Variants in DOCK9 observed in about 807,000 individuals in gnomAD.
DOCK9 encodes dedicator of cytokinesis 9, also known as dedicator of cytokinesis protein 9.
In DOCK9, 89 loss-of-function variants were observed where a neutral mutation model predicts 263.3. The ratio of observed to expected loss-of-function variants is 0.34; its 90% confidence interval spans 0.28 to 0.40. The LOEUF (loss-of-function observed/expected upper bound fraction) is 0.40, where lower values mean the gene tolerates loss of function less well. DOCK9 is among the 10% of genes least tolerant of loss of function. The probability of loss-of-function intolerance (pLI) is 1.00; values close to 1 mark genes in which losing one functional copy is unlikely to be tolerated. For synonymous variants in DOCK9, 976 were observed against 973.1 expected, an observed-to-expected ratio of 1.00 and a Z score of -0.06; for missense variants, 2,140 against 2,603.4, an observed-to-expected ratio of 0.82 and a Z score of 3.87.
At chr13:98,887,345 G>C (rs1257407235) in intron 18 of DOCK9, among the ~76,000 whole-genome samples, 5 of 150,744 alleles carry the variant, frequency 3.3e-5, no homozygotes, top group African/African-American at 1.2e-4. Flanking sequence ...GGCCGGGTGG[G>C]GTGGCTCACG....
chr13:98,862,975 C>A, intron 32 of DOCK9, 44 bp downstream of exon 32: 1 of 1,529,088 alleles, frequency 6.5e-7, no homozygotes, highest in Non-Finnish European at 8.9e-7. Flanking sequence ...CTGGCTTCCC[C>A]GGGACCTGAT....
intron 1 of DOCK9, among the ~76,000 whole-genome samples, chr13:99,021,241 G>A (rs1886055752): frequency 6.6e-6 from 1 of 152,152 alleles, no homozygotes; most frequent in Non-Finnish European, 1.5e-5. Context: ...TAAAAGTAGG[G>A]TAATTCTTCT....
In DOCK9 at chr13:99,064,523, C is replaced by T. The variant is rs929950645; in HGVS notation, c.129+21700G>A. Reference sequence around the variant, plus strand: ...AAGAAGTTCACATCTAAAAATGAACCGGGGCCCCCATTGCACATTTATTTT... The same window carrying T: ...AAGAAGTTCACATCTAAAAATGAACTGGGGCCCCCATTGCACATTTATTTT... On this transcript the variant is annotated intron_variant, in intron 1 of 32. Transcript: ENST00000427887. Among the ~76,000 whole-genome samples the T allele has an allele frequency of 1.7e-4, 26 of 152,188 alleles. 1 individual carries two copies. In the South Asian group the frequency reaches 5.0e-3, roughly 29 times the overall value.
At chr13:98,962,662 C>G (rs928678525) in intron 1 of DOCK9, among the ~76,000 whole-genome samples, 2 of 149,252 alleles carry the variant, frequency 1.3e-5, no homozygotes, top group African/African-American at 4.9e-5. Context: ...GAAAAAAAAA[C>G]TTTCCTTGAC....
rs185045552 is a variant in DOCK9, at chr13:98,903,777, T to C, written c.1036-665A>G. Among the ~76,000 whole-genome samples the C allele has an allele frequency of 3.3e-5, 5 of 152,238 alleles. No homozygotes were observed. In the East Asian group the frequency reaches 9.7e-4, roughly 29 times the overall value. On this transcript the variant is annotated intron_variant, in intron 10 of 52. Coordinates refer to ENST00000682017, the MANE Select transcript of DOCK9 (RefSeq NM_001366683.2). ...TTACAAGGATATATAAAATGTAGTATATACATACAATGGAATATTCAGCCA... is the reference window on the plus strand; with the variant it reads ...TTACAAGGATATATAAAATGTAGTACATACATACAATGGAATATTCAGCCA...
At chr13:98,947,050 T>C (rs2056811416) in intron 2 of DOCK9, among the ~76,000 whole-genome samples, 1 of 152,232 alleles carries the variant, frequency 6.6e-6, no homozygotes, top group African/African-American at 2.4e-5. Context: ...TTTTAAACAC[T>C]TCTCTCAGGG....
chr13:98,860,812 A>G (rs1354082356), intron 32 of DOCK9, among the ~76,000 whole-genome samples: 1 of 152,202 alleles, frequency 6.6e-6, no homozygotes, highest in African/African-American at 2.4e-5. Context: ...TTCCCTTTCC[A>G]GAGCTCGGAC....
Position 98,800,485 on chromosome 13 carries a change from A to G in DOCK9, c.5726-7T>C, listed in dbSNP as rs758099217. 2 of 1,611,504 alleles carry G rather than the reference A, an allele frequency of 1.2e-6. No homozygotes were observed. Among genetic ancestry groups the G allele is most frequent in the East Asian group, 4.5e-5 (2 of 44,810 alleles). ...TAAGGGAAGCAGTGTATGGCTGCAG[A>G]GGGTAAGCCCCAGAATTACTGCATG... On this transcript the variant is annotated splice_polypyrimidine_tract_variant and splice_region_variant and intron_variant, in intron 49 of 52. Transcript: ENST00000682017.
intron 1 of DOCK9, among the ~76,000 whole-genome samples, chr13:99,002,676 A>C (rs1226755980): frequency 1.3e-5 from 2 of 151,948 alleles, no homozygotes; most frequent in Non-Finnish European, 2.9e-5. Flanking sequence ...TCACTCTTCC[A>C]CTGTCGTGGG....
At chr13:99,008,576 TAAC>T (rs1883912879) in intron 1 of DOCK9, among the ~76,000 whole-genome samples, 1 of 152,118 alleles carries the variant, frequency 6.6e-6, no homozygotes, top group Non-Finnish European at 1.5e-5. Flanking sequence ...CTATATAACA[TAAC>T]AACATTCTTC....
intron 1 of DOCK9, among the ~76,000 whole-genome samples, chr13:99,070,798 C>A (rs1349241742): frequency 4.6e-5 from 7 of 152,200 alleles, no homozygotes; most frequent in African/African-American, 1.7e-4. Context: ...CCCCTAGTAA[C>A]AGAAACTTGG....
chr13:98,822,994 G>A (rs1156409987), intron 45 of DOCK9, among the ~76,000 whole-genome samples: 1 of 151,758 alleles, frequency 6.6e-6, no homozygotes, highest in African/African-American at 2.4e-5. Context: ...TTATGTGACT[G>A]TTCTCTCTCA....
intron 1 of DOCK9, among the ~76,000 whole-genome samples, chr13:99,086,063 T>C (rs999328402): frequency 2.0e-5 from 3 of 152,006 alleles, no homozygotes; most frequent in Admixed American, 2.0e-4. Flanking sequence ...TCTTCTCCCC[T>C]GTCCAACTCC....
chr13:98,887,141 A>ATTTTTTTTTTTTTTTTTTTTT (rs1335567169), intron 18 of DOCK9, among the ~76,000 whole-genome samples: 2 of 59,638 alleles, frequency 3.4e-5, no homozygotes, highest in Non-Finnish European at 5.9e-5. Flanking sequence ...ATATATATAT[A>ATTTTTTTTTTTTTTTTTTTTT]TATTTTTTTT....
chr13:99,058,835 C>A (rs555224077), intron 1 of DOCK9, among the ~76,000 whole-genome samples: 31 of 152,322 alleles, frequency 2.0e-4, no homozygotes, highest in African/African-American at 7.2e-4. Context: ...GACATCTCTG[C>A]AGCACCCATG....
intron 45 of DOCK9, among the ~76,000 whole-genome samples, chr13:98,815,467 T>G (rs1334770518): frequency 6.6e-6 from 1 of 150,798 alleles, no homozygotes; most frequent in Non-Finnish European, 1.5e-5. Context: ...ATGTAAAATT[T>G]TTTTTTGTTT....
chr13:99,032,189 G>A (rs1335697906), intron 1 of DOCK9, among the ~76,000 whole-genome samples: 2 of 152,172 alleles, frequency 1.3e-5, no homozygotes, highest in Non-Finnish European at 2.9e-5. Flanking sequence ...ACTGATTCCA[G>A]GCTGGGTGCG....
intron 1 of DOCK9, among the ~76,000 whole-genome samples, chr13:99,025,556 T>C (rs1030596587): frequency 3.9e-5 from 6 of 152,094 alleles, no homozygotes; most frequent in Non-Finnish European, 8.8e-5. Context: ...AAATAACAGG[T>C]ATTGGTGAGG....
chr13:99,007,283 G>A (rs902091367), intron 1 of DOCK9, among the ~76,000 whole-genome samples: 4 of 152,060 alleles, frequency 2.6e-5, no homozygotes, highest in Admixed American at 6.5e-5. Context: ...AGCTACTCGG[G>A]AGGCTGAGGC....
Sources: allele counts gnomAD v4.1 joint callset (sites outside exome capture counted in the v4.1 genomes callset), GRCh38; gene constraint gnomAD v4.1.1; transcripts MANE v1.5; gene names NCBI Gene and HGNC (gene_info 2026-07-23, HGNC 2026-07-21).